PCLO: variants seen among roughly 807,000 people sequenced by gnomAD.
PCLO encodes protein piccolo.
In PCLO, 82 loss-of-function variants were observed where a neutral mutation model predicts 427.5. The observed-to-expected ratio is 0.19, with a 90% CI of 0.16 to 0.23. The LOEUF (loss-of-function observed/expected upper bound fraction) is 0.23, where lower values mean the gene tolerates loss of function less well. Ranked by LOEUF, PCLO falls within the 10% of genes least tolerant of loss-of-function variation. The pLI is 1.00. For synonymous variants in PCLO, 2,357 were observed against 2,155.4 expected, an observed-to-expected ratio of 1.09 and a Z score of -2.59; for missense variants, 6,239 against 6,115.9, an observed-to-expected ratio of 1.02 and a Z score of -0.67.
intron 15 of PCLO, 140 bp from the exon 16 acceptor site, chr7:82,835,833 G>A: frequency 1.5e-6 from 1 of 673,804 alleles, no homozygotes; most frequent in Non-Finnish European, 2.6e-6. Flanking sequence ...TAAATGACAT[G>A]AGGCAGAAAA....
At chr7:83,115,956 T>A (rs1791120644) in intron 3 of PCLO, among the ~76,000 whole-genome samples, 1 of 151,768 alleles carries the variant, frequency 6.6e-6, no homozygotes, top group South Asian at 2.1e-4. Flanking sequence ...CACACATATA[T>A]AATACTCTCA....
rs563277510 is a variant in PCLO, at chr7:82,759,070, T to C, written c.15289-355A>G. 8.6e-5 allele frequency among the ~76,000 whole-genome samples: 13 copies of C among 152,006 alleles called. No individual in the cohort carries two copies. In the South Asian group the frequency reaches 2.5e-3, roughly 29 times the overall value. ...ACTTTGCCAAATAATTTTTTACTAG[T>C]TTACACAAATCCAAATCAAATAAAA... is the stretch of plus-strand genomic sequence containing the variant. On this transcript the variant is annotated intron_variant, in intron 24 of 24. Coordinates refer to ENST00000333891, the MANE Select transcript of PCLO (RefSeq NM_033026.6).
At chr7:82,792,229 T>C (rs1053204220) in intron 22 of PCLO, among the ~76,000 whole-genome samples, 1 of 152,158 alleles carries the variant, frequency 6.6e-6, no homozygotes, top group African/African-American at 2.4e-5. Context: ...GAAAATTATT[T>C]ACTTCAAATA....
At chr7:82,811,262 G>C (rs1180946072) in intron 20 of PCLO, among the ~76,000 whole-genome samples, 2 of 151,484 alleles carry the variant, frequency 1.3e-5, no homozygotes, top group Admixed American at 6.6e-5. Flanking sequence ...TCAAGTATTT[G>C]GGAATTTTTA....
At chr7:82,774,776 T>A (rs776135594) in intron 22 of PCLO, among the ~76,000 whole-genome samples, 2 of 152,106 alleles carry the variant, frequency 1.3e-5, no homozygotes, top group Non-Finnish European at 2.9e-5. Flanking sequence ...GTCCAACATA[T>A]AAATTAAGGT....
chr7:82,760,678 A>C lies in PCLO; in HGVS notation c.15249T>G (p.Thr5083=). The C allele has an allele frequency of 6.2e-7, 1 of 1,606,372 alleles. No homozygotes were observed. Among genetic ancestry groups the C allele is most frequent in the Admixed American group, 1.7e-5 (1 of 58,892 alleles). ...CTGCAGGACTTAGACTGAATCGAAAAGTTTCATTAAACGAAGGCTCTCGAT... is the reference window on the plus strand; with the variant it reads ...CTGCAGGACTTAGACTGAATCGAAACGTTTCATTAAACGAAGGCTCTCGAT... ...RHDREPSFNE[T]FRFSLSPAGH... is the part of the protein sequence containing the mutation. Residue 5083 remains threonine (T), a synonymous_variant, in exon 24 of 25, where the codon ACT becomes ACG. Coordinates refer to ENST00000333891, the MANE Select transcript of PCLO (RefSeq NM_033026.6).
chr7:83,142,360 G>A (rs923959255), intron 2 of PCLO, among the ~76,000 whole-genome samples: 12 of 152,000 alleles, frequency 7.9e-5, no homozygotes, highest in African/African-American at 1.2e-4. Flanking sequence ...TCTGCAAACC[G>A]TAACATCTAA....
intron 3 of PCLO, among the ~76,000 whole-genome samples, chr7:83,042,026 C>T (rs537334393): frequency 3.9e-5 from 6 of 152,176 alleles, no homozygotes; most frequent in Non-Finnish European, 8.8e-5. Context: ...GAAGCATGAA[C>T]ATTGTTATAT....
Position 82,953,459 on chromosome 7 carries a change from T to C in PCLO, c.7494A>G (p.Val2498=), listed in dbSNP as rs778135388. ...PKPSSIPSGL[V]FTHRPEPSKP... is the part of the protein sequence containing the mutation. ...TGCTTGGCTCAGGCCTGTGGGTAAATACAAGTCCAGATGGAATTGAAGATG... is the reference window on the plus strand; with the variant it reads ...TGCTTGGCTCAGGCCTGTGGGTAAACACAAGTCCAGATGGAATTGAAGATG... The change falls in exon 5 of 25, where the codon GTA becomes GTG. Residue 2498 remains valine, a synonymous_variant. Transcript: ENST00000333891. 33 of 1,613,190 alleles carry C rather than the reference T, an allele frequency of 2.0e-5. No homozygotes were observed. In the African/African-American group the frequency reaches 2.8e-4, roughly 14 times the overall value.
chr7:82,933,122 C>T (rs1180063112), intron 6 of PCLO, among the ~76,000 whole-genome samples: 1 of 151,984 alleles, frequency 6.6e-6, no homozygotes, highest in Non-Finnish European at 1.5e-5. Flanking sequence ...CACTTTAGAG[C>T]CAGCAGGACC....
intron 3 of PCLO, among the ~76,000 whole-genome samples, chr7:83,032,794 G>T (rs930103242): frequency 6.6e-6 from 1 of 152,056 alleles, no homozygotes; most frequent in Non-Finnish European, 1.5e-5. Flanking sequence ...GTTGAATCAT[G>T]AAGTTTTAAT....
intron 1 of PCLO, among the ~76,000 whole-genome samples, chr7:83,159,627 T>C (rs952486693): frequency 3.9e-5 from 6 of 152,004 alleles, no homozygotes; most frequent in African/African-American, 1.4e-4. Context: ...AAACAAAATA[T>C]TTCCCCTAAG....
chr7:82,921,029 C>T (rs1236944383), intron 6 of PCLO, among the ~76,000 whole-genome samples: 2 of 151,530 alleles, frequency 1.3e-5, no homozygotes, highest in Non-Finnish European at 3.0e-5. Flanking sequence ...GCTCTAGATG[C>T]TAAAGACATA....
chr7:82,809,601 G>GTAATAA (rs61674452), intron 20 of PCLO, among the ~76,000 whole-genome samples: 1,592 of 149,272 alleles, frequency 0.011, 21 homozygotes, highest in African/African-American at 0.034. Context: ...TAATGAATAA[G>GTAATAA]TAATAATAAT....
chr7:82,927,574 C>T (rs867830079), intron 6 of PCLO, among the ~76,000 whole-genome samples: 4 of 152,190 alleles, frequency 2.6e-5, no homozygotes, highest in Non-Finnish European at 4.4e-5. Context: ...GATGATTATA[C>T]GGCATCCAAA....
intron 3 of PCLO, among the ~76,000 whole-genome samples, chr7:83,098,737 T>C (rs927024391): frequency 1.3e-5 from 2 of 152,242 alleles, no homozygotes; most frequent in East Asian, 3.9e-4. Context: ...CCAACTACTC[T>C]TTTATACTCA....
chr7:82,870,196 C>T (rs376045756), intron 10 of PCLO, among the ~76,000 whole-genome samples: 16 of 152,058 alleles, frequency 1.1e-4, no homozygotes, highest in African/African-American at 3.9e-4. Context: ...AAATATACTA[C>T]AATGGTATAC....
At chr7:83,023,911 T>G (rs934291494) in intron 3 of PCLO, among the ~76,000 whole-genome samples, 21 of 152,204 alleles carry the variant, frequency 1.4e-4, no homozygotes, top group African/African-American at 4.8e-4. Context: ...TCCTAGAAAC[T>G]TTATTTTTCT....
chr7:83,133,875 G>T (rs1401187980), intron 3 of PCLO, among the ~76,000 whole-genome samples: 1 of 151,736 alleles, frequency 6.6e-6, no homozygotes, highest in Non-Finnish European at 1.5e-5. Flanking sequence ...CTTTTATCTG[G>T]AGTTTACATG....
Sources: allele counts gnomAD v4.1 joint callset (sites outside exome capture counted in the v4.1 genomes callset), GRCh38; gene constraint gnomAD v4.1.1; transcripts MANE v1.5; gene names NCBI Gene and HGNC (gene_info 2026-07-23, HGNC 2026-07-21).